The following DSCAM variants were observed in gnomAD, a reference collection of about 807,000 sequenced individuals.
DSCAM encodes the protein DS cell adhesion molecule.
A neutral mutation model predicts 217.7 loss-of-function variants in DSCAM; 47 were observed. The ratio of observed to expected loss-of-function variants is 0.22; its 90% CI spans 0.17 to 0.28. DSCAM has a LOEUF of 0.28. Ranked by LOEUF, DSCAM falls within the 10% of genes least tolerant of loss-of-function variation. The probability of loss-of-function intolerance (pLI) is 1.00; values close to 1 mark genes in which losing one functional copy is unlikely to be tolerated. For missense variants in DSCAM, 2,080 were observed against 2,618.3 expected, an observed-to-expected ratio of 0.79 and a Z score of 4.49; for synonymous variants, 1,056 against 1,015.3, an observed-to-expected ratio of 1.04 and a Z score of -0.76.
intron 1 of DSCAM, among the ~76,000 whole-genome samples, chr21:40,818,653 G>A (rs2091903682): frequency 1.4e-5 from 2 of 147,488 alleles, no homozygotes; most frequent in Admixed American, 6.8e-5. Context: ...GTTAACTGAA[G>A]GTTTAGAAAT....
intron 3 of DSCAM, among the ~76,000 whole-genome samples, chr21:40,402,316 G>A (rs531506983): frequency 8.7e-5 from 12 of 137,344 alleles, no homozygotes; most frequent in South Asian, 6.6e-4. Flanking sequence ...TGATCTGCCC[G>A]TCTCAGCCTC....
chr21:40,055,766 G>A lies in DSCAM; in HGVS notation c.4994C>T (p.Ala1665Val). ...TLRMHIDIPR[A>V]QLLIEERDTM... ...GTCTCTCTCTTCAATCAAAAGCTGA[G>A]CCCTGGGTATGTCGATGTGCATTCG... Residue 1665 changes from alanine (A) to valine (V), a missense_variant, in exon 29 of 33, where the codon GCT (alanine) becomes GTT (valine). Transcript: ENST00000400454. 1 of 1,613,848 alleles carries A rather than the reference G, an allele frequency of 6.2e-7. No individual in the cohort carries two copies. Among genetic ancestry groups the A allele is most frequent in the Non-Finnish European group, 8.5e-7 (1 of 1,179,760 alleles).
intron 21 of DSCAM, among the ~76,000 whole-genome samples, chr21:40,088,092 A>G (rs1375964730): frequency 1.3e-5 from 2 of 152,154 alleles, no homozygotes; most frequent in Admixed American, 1.3e-4. Flanking sequence ...TTGGGACATT[A>G]CTTTCTGGGG....
chr21:40,092,258 G>T (rs1411319873), intron 21 of DSCAM, among the ~76,000 whole-genome samples: 1 of 152,112 alleles, frequency 6.6e-6, no homozygotes, highest in East Asian at 1.9e-4. Context: ...TCATAAGGTG[G>T]AAGGGGCCTG....
chr21:40,192,232 T>C (rs544587989), intron 11 of DSCAM, among the ~76,000 whole-genome samples: 15 of 152,238 alleles, frequency 9.9e-5, no homozygotes, highest in African/African-American at 2.6e-4. Flanking sequence ...TAATCTACCT[T>C]CTCTCCCTGA....
chr21:40,536,292 A>G (rs1275263733), intron 3 of DSCAM, among the ~76,000 whole-genome samples: 1 of 152,050 alleles, frequency 6.6e-6, no homozygotes, highest in African/African-American at 2.4e-5. Context: ...ATATGACCTT[A>G]TATTTAGAGG....
intron 3 of DSCAM, among the ~76,000 whole-genome samples, chr21:40,554,395 A>T (rs2076654637): frequency 1.3e-5 from 2 of 152,126 alleles, no homozygotes; most frequent in Admixed American, 6.5e-5. Context: ...TCTGACTAGG[A>T]ATGTTTTCCC....
At chr21:40,054,584 G>A (rs543849545) in intron 29 of DSCAM, among the ~76,000 whole-genome samples, 2 of 152,322 alleles carry the variant, frequency 1.3e-5, no homozygotes, top group African/African-American at 4.8e-5. Flanking sequence ...GTTGTCCTGG[G>A]ACTCATGCCA....
rs1555886227 is a variant in DSCAM, at chr21:40,756,976, C to CGTGTGTGTGTGTGTGT, written c.44-48221_44-48206dup. On this transcript the variant is annotated intron_variant, in intron 1 of 32. Coordinates refer to ENST00000400454, the MANE Select transcript of DSCAM (RefSeq NM_001389.5). ...TAAGAAAGATTGCCCAACAAATGGTCGTGTGTGTGTGTGTGTGTGTGTGTG... is the reference window on the plus strand; with the variant it reads ...TAAGAAAGATTGCCCAACAAATGGTCGTGTGTGTGTGTGTGTGTGTGTGTGTGTGTGTGTGTGTGTG... 2.2e-4 allele frequency among the ~76,000 whole-genome samples: 33 copies of CGTGTGTGTGTGTGTGT among 149,706 alleles called. No homozygotes were observed. The East Asian group carries it at 5.3e-3, about 24-fold the overall frequency.
intron 10 of DSCAM, among the ~76,000 whole-genome samples, chr21:40,277,661 T>G (rs553152227): frequency 6.9e-6 from 1 of 145,958 alleles, no homozygotes; most frequent in Non-Finnish European, 1.5e-5. Context: ...TGAGATGTAG[T>G]CTTGCTCTCT....
At chr21:40,441,320 C>T (rs2075628248) in intron 3 of DSCAM, among the ~76,000 whole-genome samples, 1 of 152,060 alleles carries the variant, frequency 6.6e-6, no homozygotes, top group South Asian at 2.1e-4. Flanking sequence ...TAAGTCTTTC[C>T]CTTGGTCTAG....
At chr21:40,816,718 C>T (rs2091884584) in intron 1 of DSCAM, among the ~76,000 whole-genome samples, 1 of 152,080 alleles carries the variant, frequency 6.6e-6, no homozygotes, top group Non-Finnish European at 1.5e-5. Flanking sequence ...CAAGGGGATA[C>T]ATTTTTTTTC....
At chr21:40,592,685 T>C (rs1019012875) in intron 3 of DSCAM, among the ~76,000 whole-genome samples, 1 of 152,212 alleles carries the variant, frequency 6.6e-6, no homozygotes, top group Non-Finnish European at 1.5e-5. Flanking sequence ...AAGGGAGACC[T>C]TGGAGAACCC....
intron 3 of DSCAM, among the ~76,000 whole-genome samples, chr21:40,527,049 G>A (rs2076406175): frequency 6.6e-6 from 1 of 152,076 alleles, no homozygotes; most frequent in South Asian, 2.1e-4. Context: ...TTTCCAAGCA[G>A]GTGGCTCTGG....
intron 20 of DSCAM, among the ~76,000 whole-genome samples, chr21:40,109,735 C>T (rs374423579): frequency 1.4e-4 from 21 of 152,300 alleles, no homozygotes; most frequent in African/African-American, 4.6e-4. Context: ...TGCACTTTTC[C>T]GATGGTCTTA....
At chr21:40,702,757 T>C (rs2090671084) in intron 2 of DSCAM, among the ~76,000 whole-genome samples, 1 of 152,184 alleles carries the variant, frequency 6.6e-6, no homozygotes, top group African/African-American at 2.4e-5. Flanking sequence ...TTTTCTCCTT[T>C]GTGGGCTTAT....
intron 8 of DSCAM, among the ~76,000 whole-genome samples, chr21:40,329,214 C>G (rs539643083): frequency 3.3e-4 from 50 of 152,242 alleles, no homozygotes; most frequent in Admixed American, 1.6e-3. Flanking sequence ...TCTACACTTC[C>G]ATGTTCATTG....
At chr21:40,665,039 T>A (rs961680076) in intron 3 of DSCAM, among the ~76,000 whole-genome samples, 1 of 152,212 alleles carries the variant, frequency 6.6e-6, no homozygotes, top group Non-Finnish European at 1.5e-5. Flanking sequence ...CCTTCTGCCA[T>A]GATTGCAAGC....
At chr21:40,608,232 C>T (rs1236453032) in intron 3 of DSCAM, among the ~76,000 whole-genome samples, 1 of 152,144 alleles carries the variant, frequency 6.6e-6, no homozygotes, top group Non-Finnish European at 1.5e-5. Context: ...TATTTCATGG[C>T]TACAATTTTG....
Sources: gnomAD v4.1 joint callset for allele counts (sites outside exome capture counted in the v4.1 genomes callset) on GRCh38, gnomAD v4.1.1 for gene constraint, MANE v1.5 for transcripts, NCBI Gene and HGNC (gene_info 2026-07-23, HGNC 2026-07-21) for gene names.